OTUD7A: variants seen among roughly 807,000 people sequenced by gnomAD.
OTUD7A encodes the protein OTU deubiquitinase 7A, also known as OTU domain-containing protein 7A.
OTUD7A carries 12 observed loss-of-function variants against 65.7 expected under a neutral mutation model. That is an observed-to-expected ratio of 0.18 (90% CI 0.12 to 0.30). The LOEUF is 0.30. Ranked by LOEUF, OTUD7A falls within the 10% of genes least tolerant of loss-of-function variation. The pLI is 1.00. For synonymous variants in OTUD7A, 641 were observed against 586.3 expected, an observed-to-expected ratio of 1.09 and a Z score of -1.35; for missense variants, 1,148 against 1,304.8, an observed-to-expected ratio of 0.88 and a Z score of 1.85.
intron 1 of OTUD7A, among the ~76,000 whole-genome samples, chr15:31,786,483 G>T (rs1595767714): frequency 6.6e-6 from 1 of 152,176 alleles, no homozygotes; most frequent in Non-Finnish European, 1.5e-5. Flanking sequence ...GTGAGACAGG[G>T]TGTGTGCCTG....
chr15:31,808,038 C>A (rs1449165908), intron 1 of OTUD7A, among the ~76,000 whole-genome samples: 3 of 150,144 alleles, frequency 2.0e-5, no homozygotes, highest in African/African-American at 7.3e-5. Context: ...GAGGAGGGGC[C>A]AGAAGAGAGA....
In OTUD7A at chr15:31,559,168, C is replaced by A; in HGVS notation, c.351G>T (p.Gly117=). Residue 117 remains glycine (G), a synonymous_variant, in exon 5 of 13, where the codon GGG becomes GGT. Transcript: ENST00000307050. The part of the protein sequence containing the change: ...DIAQEKRLSR[G]ISHASSAIVS... ...CGATGGCTGAGCTGGCGTGGGAAAT[C>A]CCCCGGGAAAGCCGCTTTTCTGCAG... 1.2e-6 allele frequency: 2 copies of A among 1,613,416 alleles called. No homozygotes were observed. The highest frequency in any genetic ancestry group is 2.2e-5 in the South Asian group (2 of 91,044).
Position 31,484,178 on chromosome 15 carries a change from G to A in OTUD7A, c.1918C>T (p.Arg640Cys). ...NILRAAMQGE[R>C]KFIFAGLLLT... Reference sequence around the variant, plus strand: ...AGCAGGCCGGCGAAGATGAACTTGCGCTCCCCCTGCATGGCGGCGCGCAGG... The same window carrying A: ...AGCAGGCCGGCGAAGATGAACTTGCACTCCCCCTGCATGGCGGCGCGCAGG... The change falls in exon 13 of 13, where the codon CGC (arginine) becomes TGC (cysteine). Residue 640 changes from arginine to cysteine, a missense_variant. By Grantham distance (180) the Arg-to-Cys change is radical. Coordinates refer to ENST00000307050, the MANE Select transcript of OTUD7A (RefSeq NM_001382637.1). The surrounding 1 kb of genome is among the most constrained non-coding windows in gnomAD (Gnocchi z 4.5). 6.2e-7 allele frequency: 1 copy of A among 1,610,246 alleles called. No individual in the cohort carries two copies. The highest frequency in any genetic ancestry group is 8.5e-7 in the Non-Finnish European group (1 of 1,179,422).
At chr15:31,570,284 C>A in intron 3 of OTUD7A, 87 bp from the exon 4 acceptor site, 1 of 1,419,806 alleles carries the variant, frequency 7.0e-7, no homozygotes, top group Non-Finnish European at 9.7e-7. Context: ...AGAAGGGTTT[C>A]CCATTAGGAC....
chr15:31,500,647 G>C (rs191771334), intron 10 of OTUD7A, among the ~76,000 whole-genome samples: 1 of 152,362 alleles, frequency 6.6e-6, no homozygotes, highest in South Asian at 2.1e-4. Flanking sequence ...CTACAGGAAG[G>C]AGTAGCATTT....
intron 3 of OTUD7A, among the ~76,000 whole-genome samples, chr15:31,621,246 G>A (rs1166949493): frequency 3.3e-5 from 5 of 152,114 alleles, no homozygotes; most frequent in African/African-American, 1.2e-4. Flanking sequence ...ATATTCTGTC[G>A]ATTTGGGGTG....
chr15:31,746,983 C>T (rs929491708), intron 1 of OTUD7A, among the ~76,000 whole-genome samples: 1 of 152,156 alleles, frequency 6.6e-6, no homozygotes, highest in African/African-American at 2.4e-5. Context: ...TTCAATTGCA[C>T]ACTTAAAGTG....
chr15:31,837,158 C>T lies in OTUD7A; in HGVS notation c.-100+33349G>A, dbSNP rs537811531. On this transcript the variant is annotated intron_variant, in intron 1 of 12. Coordinates refer to ENST00000307050, the MANE Select transcript of OTUD7A (RefSeq NM_001382637.1). ...GGTCACAAGATACAACATAAACATA[C>T]AAAATAAATTGTGTTTCTATATACT... Among the ~76,000 whole-genome samples, 35 of 152,180 alleles carry T rather than the reference C, an allele frequency of 2.3e-4. No homozygotes were observed. In the South Asian group the frequency reaches 7.1e-3, roughly 31 times the overall value.
intron 1 of OTUD7A, among the ~76,000 whole-genome samples, chr15:31,789,294 T>C (rs975907923): frequency 1.4e-4 from 21 of 152,238 alleles, no homozygotes; most frequent in African/African-American, 5.1e-4. Flanking sequence ...GGAATATTTC[T>C]GGTTCCTCTC....
At chr15:31,518,814 T>A (rs549725743) in intron 8 of OTUD7A, among the ~76,000 whole-genome samples, 117 of 152,380 alleles carry the variant, frequency 7.7e-4, no homozygotes, top group Admixed American at 4.4e-3. Flanking sequence ...TATGTCCTGC[T>A]GTGGGCCTTT....
rs1898007252 is a variant in OTUD7A, at chr15:31,870,660, C to G, written c.-253G>C. The G allele has an allele frequency of 6.7e-6, 1 of 148,598 alleles. No individual in the cohort carries two copies. The highest frequency in any genetic ancestry group is 2.4e-5 in the African/African-American group (1 of 40,990). The allele number at this position is 148,598 out of a possible 1,614,324, so 9.2% of individuals were successfully genotyped here. ...CCTCCCCAGCTGCCGCTCGCGGTCCCGGTGGCCTCTCCTCCCCCGCCTCCT... is the reference window on the plus strand; with the variant it reads ...CCTCCCCAGCTGCCGCTCGCGGTCCGGGTGGCCTCTCCTCCCCCGCCTCCT... On this transcript the variant is annotated 5_prime_UTR_variant, in exon 1 of 13. Coordinates refer to ENST00000307050, the MANE Select transcript of OTUD7A (RefSeq NM_001382637.1).
At chr15:31,601,732 A>G (rs1890082734) in intron 3 of OTUD7A, among the ~76,000 whole-genome samples, 1 of 152,226 alleles carries the variant, frequency 6.6e-6, no homozygotes, top group African/African-American at 2.4e-5. Flanking sequence ...AGAAGAAAAG[A>G]GAGAAGACTC....
intron 1 of OTUD7A, among the ~76,000 whole-genome samples, chr15:31,719,287 T>C (rs1263814109): frequency 1.3e-5 from 2 of 151,704 alleles, no homozygotes; most frequent in African/African-American, 2.4e-5. Context: ...GGCTCCAACA[T>C]ACTCCCTTAT....
intron 1 of OTUD7A, among the ~76,000 whole-genome samples, chr15:31,823,159 C>T (rs1254006024): frequency 6.6e-6 from 1 of 152,122 alleles, no homozygotes. Flanking sequence ...CAGGACACCT[C>T]TTTCGCACAC....
At chr15:31,564,121 T>C (rs1170995270) in intron 4 of OTUD7A, among the ~76,000 whole-genome samples, 1 of 152,090 alleles carries the variant, frequency 6.6e-6, no homozygotes, top group Non-Finnish European at 1.5e-5. Context: ...AAAAAAAATG[T>C]TAATGGGACT....
intron 1 of OTUD7A, among the ~76,000 whole-genome samples, chr15:31,730,771 A>G (rs1169308091): frequency 6.6e-6 from 1 of 152,214 alleles, no homozygotes; most frequent in African/African-American, 2.4e-5. Flanking sequence ...GGGCGGTGGC[A>G]GGATTGCTGT....
chr15:31,483,046 G>A lies in OTUD7A; in HGVS notation c.*248C>T, dbSNP rs1476855375. 5.3e-6 allele frequency: 1 copy of A among 187,574 alleles called. No homozygotes were observed. Among genetic ancestry groups the A allele is most frequent in the Non-Finnish European group, 1.0e-5 (1 of 96,670 alleles). The allele number at this position is 187,574 out of a possible 1,614,324, so 11.6% of individuals were successfully genotyped here. A position where few individuals can be genotyped will look rare whatever the true frequency, so the allele number is the denominator to read the frequency against. On this transcript the variant is annotated 3_prime_UTR_variant, in exon 13 of 13. Coordinates refer to ENST00000307050, the MANE Select transcript of OTUD7A (RefSeq NM_001382637.1). ...TTGCAATGGCTATTGAGTTTCCACA[G>A]GTACGAGGCAGATGCTAGGCTAGCA...
intron 1 of OTUD7A, among the ~76,000 whole-genome samples, chr15:31,822,724 A>G (rs1052883864): frequency 4.6e-5 from 7 of 152,214 alleles, no homozygotes; most frequent in African/African-American, 1.7e-4. Context: ...GAGCCTGAAG[A>G]GACTTCATCT....
intron 1 of OTUD7A, among the ~76,000 whole-genome samples, chr15:31,759,336 A>G (rs1046111371): frequency 6.6e-6 from 1 of 152,166 alleles, no homozygotes; most frequent in African/African-American, 2.4e-5. Flanking sequence ...GCCAGAGTCA[A>G]TTACCACTTA....
Sources: gnomAD v4.1 joint callset for allele counts (sites outside exome capture counted in the v4.1 genomes callset) on GRCh38, gnomAD v4.1.1 for gene constraint, Gnocchi (gnomAD v3.1) non-coding constraint, MANE v1.5 for transcripts, NCBI Gene and HGNC (gene_info 2026-07-23, HGNC 2026-07-21) for gene names.